The following CORO2A variants were observed in gnomAD, a reference collection of about 807,000 sequenced individuals.
The protein encoded by CORO2A is coronin-2A.
In CORO2A, 47 loss-of-function variants were observed where a neutral mutation model predicts 62.4. The observed-to-expected ratio is 0.75, with a 90% CI of 0.60 to 0.96. The LOEUF (loss-of-function observed/expected upper bound fraction) is 0.96, where lower values mean the gene tolerates loss of function less well. Ranked by LOEUF, CORO2A falls within the 40% of genes least tolerant of loss-of-function variation. The pLI is 0.00. For synonymous variants in CORO2A, 273 were observed against 268.9 expected (o/e 1.02, Z -0.15); for missense variants, 610 against 684.1 (o/e 0.89, Z 1.21).
At chr9:98,153,668 A>ACACACACACACACACACACACACACT (rs1564208883) in intron 2 of CORO2A, among the ~76,000 whole-genome samples, 3 of 150,972 alleles carry the variant, frequency 2.0e-5, no homozygotes, top group African/African-American at 7.3e-5. Flanking sequence ...ACACACACAC[A>ACACACACACACACACACACACACACT]CACACACACA....
At chr9:98,187,267 A>G (rs576402834) in intron 1 of CORO2A, among the ~76,000 whole-genome samples, 1 of 140,660 alleles carries the variant, frequency 7.1e-6, no homozygotes, top group African/African-American at 2.7e-5. Flanking sequence ...TGGGCGACAG[A>G]GCAAGACTCC....
At position 98,157,634 on chromosome 9, in the gene CORO2A, G is replaced by A. The variant is rs770788426; in HGVS notation, c.27C>T (p.Ser9=). ...TGCCAAAGACATGACGGAACTTGGA[G>A]CTCCGGTACTGGGGGTGCCATGACA... MSWHPQYR[S]SKFRHVFGKP... is the part of the protein sequence containing the mutation. The change falls in exon 2 of 12, where the codon AGC becomes AGT. Residue 9 remains serine, a synonymous_variant. Transcript: ENST00000375077. The A allele has an allele frequency of 1.2e-6, 2 of 1,613,694 alleles. No individual in the cohort carries two copies. The highest frequency in any genetic ancestry group is 1.3e-5 in the African/African-American group (1 of 74,904).
Position 98,132,230 on chromosome 9 carries a change from T to C in CORO2A, c.720A>G (p.Thr240=). ...FLGNLKKLMS[T]GTSRWNNRQV... is the part of the protein sequence containing the mutation. ...GCCGGTTGTTCCATCGGGATGTGCC[T>C]GTGGACATCAGCTTCTTCAGGTTCC... Residue 240 remains threonine, a synonymous_variant, in exon 6 of 12, where the codon ACA becomes ACG. Coordinates refer to ENST00000375077, the MANE Select transcript of CORO2A (RefSeq NM_052820.4). 1 of 1,614,210 alleles carries C rather than the reference T, an allele frequency of 6.2e-7. No individual in the cohort carries two copies. The highest frequency in any genetic ancestry group is 1.1e-5 in the South Asian group (1 of 91,088).
rs1827259767 is a variant in CORO2A, at chr9:98,122,758, C to G, written c.*2016G>C. The G allele has an allele frequency of 1.3e-5, 2 of 152,248 alleles. No individual in the cohort carries two copies. Among genetic ancestry groups the G allele is most frequent in the African/African-American group, 2.4e-5 (1 of 41,450 alleles). The allele number at this position is 152,248 out of a possible 1,614,324, so 9.4% of individuals were successfully genotyped here. On this transcript the variant is annotated 3_prime_UTR_variant, in exon 12 of 12. Coordinates refer to ENST00000375077, the MANE Select transcript of CORO2A (RefSeq NM_052820.4). ...ACCTCCTGGGGGACTCTTCTGTTAA[C>G]TAGGGCTGAAATCTGCCCACATCAT...
In CORO2A at chr9:98,185,540, T is replaced by C. The variant is rs138240215; in HGVS notation, c.-1+7019A>G. Among the ~76,000 whole-genome samples the C allele has an allele frequency of 9.7e-3, 1,471 of 152,320 alleles. 27 individuals carry two copies. The highest frequency in any genetic ancestry group is 0.033 in the African/African-American group (1,392 of 41,576). ...GCAATCTTAGACTCCAAACCATTGC[T>C]GGAGGCTCGTATCTGATTTCTCAGG... is the stretch of plus-strand genomic sequence containing the variant. On this transcript the variant is annotated intron_variant, in intron 1 of 11. Coordinates refer to ENST00000375077, the MANE Select transcript of CORO2A (RefSeq NM_052820.4).
intron 1 of CORO2A, among the ~76,000 whole-genome samples, chr9:98,189,297 G>A (rs376011943): frequency 2.1e-4 from 32 of 152,284 alleles, no homozygotes; most frequent in Middle Eastern, 3.4e-3. Flanking sequence ...TGCAAAGCAC[G>A]TCCAATCTGT....
chr9:98,142,323 C>T (rs1256109716), intron 2 of CORO2A, among the ~76,000 whole-genome samples: 1 of 152,258 alleles, frequency 6.6e-6, no homozygotes, highest in East Asian at 1.9e-4. Context: ...CAGAGCTGGG[C>T]TTGAGCCCAG....
chr9:98,178,800 A>G (rs35480968), intron 1 of CORO2A, among the ~76,000 whole-genome samples: 37,951 of 152,134 alleles, frequency 0.25, 5,693 homozygotes, highest in Non-Finnish European at 0.32. Flanking sequence ...ATCACTTTGG[A>G]GGCAATTGGG....
chr9:98,124,842 G>T lies in CORO2A; in HGVS notation c.1510C>A (p.Arg504=), dbSNP rs1447853648. Reference sequence around the variant, plus strand: ...TCCAACTGTTTGGCCTGGACCTCTCGCTGGGTCAACAGCTCCCGGAGCCTT... The same window carrying T: ...TCCAACTGTTTGGCCTGGACCTCTCTCTGGGTCAACAGCTCCCGGAGCCTT... ...IRRLRELLTQ[R]EVQAKQLELE... The change falls in exon 12 of 12, where the codon CGA becomes AGA. Residue 504 remains arginine, a synonymous_variant. Transcript: ENST00000375077. The T allele has an allele frequency of 6.2e-7, 1 of 1,604,068 alleles. No individual in the cohort carries two copies. Among genetic ancestry groups the T allele is most frequent in the African/African-American group, 1.3e-5 (1 of 74,920 alleles).
In CORO2A at chr9:98,124,333, G is replaced by C. The variant is rs1423016019; in HGVS notation, c.*441C>G. The C allele has an allele frequency of 6.6e-6, 1 of 152,636 alleles. No individual in the cohort carries two copies. Among genetic ancestry groups the C allele is most frequent in the Non-Finnish European group, 1.5e-5 (1 of 68,490 alleles). The allele number at this position is 152,636 out of a possible 1,614,324, so 9.5% of individuals were successfully genotyped here. On this transcript the variant is annotated 3_prime_UTR_variant, in exon 12 of 12. Coordinates refer to ENST00000375077, the MANE Select transcript of CORO2A (RefSeq NM_052820.4). ...CTGGTGAGACTGGTTTCAAACTCCCGACCTCAAGCAATCCGCCCACCTCAG... is the reference window on the plus strand; with the variant it reads ...CTGGTGAGACTGGTTTCAAACTCCCCACCTCAAGCAATCCGCCCACCTCAG...
At chr9:98,184,053 G>A (rs1340194659) in intron 1 of CORO2A, among the ~76,000 whole-genome samples, 1 of 152,150 alleles carries the variant, frequency 6.6e-6, no homozygotes, top group Non-Finnish European at 1.5e-5. Flanking sequence ...AAAGTATACA[G>A]GAGGGTGTGT....
At position 98,173,845 on chromosome 9, in the gene CORO2A, G is replaced by A. The variant is rs117234473; in HGVS notation, c.1-16185C>T. ...AGCGTGTAGCCTTTGGTCTGGGTGT[G>A]GTGGCTCACGCCTGTAATCTCAGCA... On this transcript the variant is annotated intron_variant, in intron 1 of 11. Transcript: ENST00000375077. 2.3e-3 allele frequency among the ~76,000 whole-genome samples: 349 copies of A among 152,146 alleles called. 1 individual carries two copies. The highest frequency in any genetic ancestry group is 3.5e-3 in the Non-Finnish European group (239 of 68,006).
intron 1 of CORO2A, among the ~76,000 whole-genome samples, chr9:98,162,078 T>C (rs78774229): frequency 6.6e-6 from 1 of 152,130 alleles, no homozygotes; most frequent in Admixed American, 6.5e-5. Context: ...CATGCATGAA[T>C]AGAGCAAGTG....
intron 2 of CORO2A, among the ~76,000 whole-genome samples, chr9:98,152,126 G>GTTTTTTTT (rs3055383): frequency 7.0e-6 from 1 of 142,098 alleles, no homozygotes; most frequent in Non-Finnish European, 1.5e-5. Flanking sequence ...CTCTTTTGCT[G>GTTTTTTTT]TTTTTTTTTT....
intron 1 of CORO2A, among the ~76,000 whole-genome samples, chr9:98,179,479 C>G (rs1828148993): frequency 6.6e-6 from 1 of 152,162 alleles, no homozygotes; most frequent in African/African-American, 2.4e-5. Context: ...CATCTCAGAT[C>G]CCACCTCTCT....
intron 1 of CORO2A, among the ~76,000 whole-genome samples, chr9:98,190,482 C>G (rs1235009644): frequency 6.6e-6 from 1 of 152,134 alleles, no homozygotes; most frequent in Non-Finnish European, 1.5e-5. Context: ...GCACTCCAAT[C>G]TTGGAATCAG....
At chr9:98,131,119 T>C in intron 6 of CORO2A, 60 bp from the exon 7 acceptor site, 1 of 1,145,632 alleles carries the variant, frequency 8.7e-7, no homozygotes. Flanking sequence ...TCAGTGGTGC[T>C]CCCGGAGATA....
chr9:98,164,397 C>A (rs1341466457), intron 1 of CORO2A, among the ~76,000 whole-genome samples: 1 of 152,204 alleles, frequency 6.6e-6, no homozygotes, highest in East Asian at 1.9e-4. Context: ...AAGCTCTTTT[C>A]AGTCATCCAG....
At chr9:98,127,619 C>G (rs1827343226) in intron 10 of CORO2A, among the ~76,000 whole-genome samples, 1 of 152,082 alleles carries the variant, frequency 6.6e-6, no homozygotes, top group Admixed American at 6.5e-5. Flanking sequence ...TGAGACCAGC[C>G]TGGCCAACAT....
Sources: gnomAD v4.1 joint callset for allele counts (sites outside exome capture counted in the v4.1 genomes callset) on GRCh38, gnomAD v4.1.1 for gene constraint, MANE v1.5 for transcripts, NCBI Gene and HGNC (gene_info 2026-07-23, HGNC 2026-07-21) for gene names.